The following DPYS variants were observed in gnomAD, a reference collection of about 807,000 sequenced individuals.
DPYS encodes the protein dihydropyrimidinase, also known as dihydropyrimidine amidohydrolase.
A neutral mutation model predicts 50.3 loss-of-function variants in DPYS; 39 were observed. The ratio of observed to expected loss-of-function variants is 0.78; its 90% CI spans 0.60 to 1.01. DPYS has a LOEUF of 1.01. Ranked by LOEUF, DPYS falls within the 50% of genes least tolerant of loss-of-function variation. DPYS has a pLI of 0.00. For synonymous variants in DPYS, 245 were observed against 250.7 expected (o/e 0.98, Z 0.22); for missense variants, 659 against 680.9 (o/e 0.97, Z 0.36).
intron 7 of DPYS, among the ~76,000 whole-genome samples, chr8:104,396,013 C>A (rs962750524): frequency 6.6e-6 from 1 of 151,778 alleles, no homozygotes; most frequent in East Asian, 1.9e-4. Flanking sequence ...ATCACTGAAA[C>A]AAGAAAATTA....
At chr8:104,444,193 G>T in intron 4 of DPYS, 55 bp downstream of exon 4, 1 of 1,597,646 alleles carries the variant, frequency 6.3e-7, no homozygotes. Flanking sequence ...TACAGACGTG[G>T]ACTTTTCTCT....
intron 7 of DPYS, among the ~76,000 whole-genome samples, chr8:104,409,047 C>T (rs1215611959): frequency 2.6e-5 from 4 of 151,562 alleles, no homozygotes; most frequent in Middle Eastern, 3.4e-3. Flanking sequence ...CTCCTGACCT[C>T]GTGATCCCAA....
At chr8:104,385,398 A>C (rs1463495855) in intron 8 of DPYS, among the ~76,000 whole-genome samples, 1 of 152,160 alleles carries the variant, frequency 6.6e-6, no homozygotes, top group Admixed American at 6.5e-5. Flanking sequence ...TTATTTGACA[A>C]CTTTCTCAAG....
chr8:104,457,528 G>A lies in DPYS; in HGVS notation c.265-6124C>T, dbSNP rs954871575. Among the ~76,000 whole-genome samples the A allele has an allele frequency of 2.0e-5, 3 of 152,116 alleles. No individual in the cohort carries two copies. In the South Asian group the frequency reaches 6.2e-4, roughly 32 times the overall value. On this transcript the variant is annotated intron_variant, in intron 1 of 9. Transcript: ENST00000351513. ...CAAATGCATTTTCTTCCCTTTTATG[G>A]TGCCACCAAATTCTTATTTCTAAGC...
intron 7 of DPYS, among the ~76,000 whole-genome samples, chr8:104,394,991 T>A (rs1313279118): frequency 3.3e-5 from 5 of 151,834 alleles, no homozygotes; most frequent in Admixed American, 1.3e-4. Context: ...AGATTTTTTT[T>A]AATTTTAATT....
At chr8:104,401,734 A>G (rs1377595628) in intron 7 of DPYS, among the ~76,000 whole-genome samples, 1 of 152,188 alleles carries the variant, frequency 6.6e-6, no homozygotes, top group Non-Finnish European at 1.5e-5. Flanking sequence ...GTCTATTTCA[A>G]ACTACCTCTT....
chr8:104,453,029 C>T (rs994058389), intron 1 of DPYS, among the ~76,000 whole-genome samples: 4 of 152,196 alleles, frequency 2.6e-5, no homozygotes, highest in East Asian at 1.9e-4. Context: ...TCTCTCTTTC[C>T]GGCCCCCACC....
At position 104,456,960 on chromosome 8, in the gene DPYS, G is replaced by T. The variant is rs181455241; in HGVS notation, c.265-5556C>A. Among the ~76,000 whole-genome samples the T allele has an allele frequency of 2.1e-4, 32 of 152,280 alleles. 1 individual carries two copies. Among genetic ancestry groups the T allele is most frequent in the African/African-American group, 7.7e-4 (32 of 41,552 alleles). ...TTGTAAATCATTACTGAAAGTACAG[G>T]AGTTATCCCTTATCCAAGAGGGATA... is the stretch of plus-strand genomic sequence containing the variant. On this transcript the variant is annotated intron_variant, in intron 1 of 9. Transcript: ENST00000351513.
chr8:104,427,426 G>A (rs1442854915), intron 6 of DPYS, among the ~76,000 whole-genome samples: 1 of 151,158 alleles, frequency 6.6e-6, no homozygotes, highest in South Asian at 2.1e-4. Context: ...TTACAGCCAC[G>A]TGCCACCATG....
intron 7 of DPYS, among the ~76,000 whole-genome samples, chr8:104,416,061 T>C (rs1298678791): frequency 6.6e-6 from 1 of 152,126 alleles, no homozygotes; most frequent in Non-Finnish European, 1.5e-5. Flanking sequence ...TCATGCCCAT[T>C]TTGCAAATAA....
At chr8:104,404,629 T>C (rs1202119234) in intron 7 of DPYS, among the ~76,000 whole-genome samples, 4 of 152,280 alleles carry the variant, frequency 2.6e-5, no homozygotes, top group African/African-American at 9.6e-5. Flanking sequence ...GAGATCAGGA[T>C]GTCCATCTGA....
intron 7 of DPYS, chr8:104,418,857 A>T: frequency 2.0e-5 from 4 of 200,450 alleles, no homozygotes; most frequent in Non-Finnish European, 3.6e-5. Flanking sequence ...TTGACTTTAC[A>T]TCTCCTCTCC....
chr8:104,429,614 T>G lies in DPYS; in HGVS notation c.881A>C (p.His294Pro). 6.2e-7 allele frequency: 1 copy of G among 1,614,196 alleles called. No homozygotes were observed. Among genetic ancestry groups the G allele is most frequent in the Non-Finnish European group, 8.5e-7 (1 of 1,180,026 alleles). The change falls in exon 5 of 10, where the codon CAC becomes CCC. Residue 294 changes from histidine to proline, a missense_variant. Coordinates refer to ENST00000351513, the MANE Select transcript of DPYS (RefSeq NM_001385.3). The stretch of plus-strand genomic sequence containing the variant: ...TCGCAAAGGTGGACCCATGACATGG[T>G]GGGCTGCATGGTGCCATTCTTTATT... Reference protein sequence around the residue: ...YWNKEWHHAAHHVMGPPLRPD... With the variant: ...YWNKEWHHAAPHVMGPPLRPD...
chr8:104,433,083 T>A (rs991087739), intron 4 of DPYS, among the ~76,000 whole-genome samples: 1 of 152,170 alleles, frequency 6.6e-6, no homozygotes, highest in East Asian at 1.9e-4. Flanking sequence ...AGGAAGAAGA[T>A]GGCCATCTAT....
In DPYS at chr8:104,415,924, A is replaced by G. The variant is rs140078812; in HGVS notation, c.1235+8323T>C. On this transcript the variant is annotated intron_variant, in intron 7 of 9. Coordinates refer to ENST00000351513, the MANE Select transcript of DPYS (RefSeq NM_001385.3). ...TCATTTCACAAACTGACCACCTACTACTACTATCTATTACCACTAACTGAC... is the reference window on the plus strand; with the variant it reads ...TCATTTCACAAACTGACCACCTACTGCTACTATCTATTACCACTAACTGAC... 2.0e-5 allele frequency among the ~76,000 whole-genome samples: 3 copies of G among 152,320 alleles called. No individual in the cohort carries two copies. The East Asian group carries it at 5.8e-4, about 29-fold the overall frequency.
intron 3 of DPYS, among the ~76,000 whole-genome samples, chr8:104,446,321 G>A (rs919457448): frequency 1.3e-5 from 2 of 152,096 alleles, no homozygotes; most frequent in Admixed American, 1.3e-4. Flanking sequence ...TCTTTGAAAA[G>A]CAATATCTAT....
chr8:104,398,338 G>GTGA (rs1811658479), intron 7 of DPYS, among the ~76,000 whole-genome samples: 1 of 152,226 alleles, frequency 6.6e-6, no homozygotes, highest in Non-Finnish European at 1.5e-5. Context: ...CTGCAGTGAG[G>GTGA]TGATCTGCAG....
intron 7 of DPYS, among the ~76,000 whole-genome samples, chr8:104,402,104 C>G (rs1811835699): frequency 6.6e-6 from 1 of 152,184 alleles, no homozygotes; most frequent in African/African-American, 2.4e-5. Flanking sequence ...TAATATAGGT[C>G]ATGGATGGTG....
At chr8:104,388,381 A>G (rs1229007107) in intron 8 of DPYS, among the ~76,000 whole-genome samples, 1 of 152,226 alleles carries the variant, frequency 6.6e-6, no homozygotes, top group Non-Finnish European at 1.5e-5. Flanking sequence ...ACTGAAAAAA[A>G]AAGAGAAAAA....
Sources: allele counts gnomAD v4.1 joint callset (sites outside exome capture counted in the v4.1 genomes callset), GRCh38; gene constraint gnomAD v4.1.1; transcripts MANE v1.5; gene names NCBI Gene and HGNC (gene_info 2026-07-23, HGNC 2026-07-21).